OPRM1: variants seen among roughly 807,000 people sequenced by gnomAD.
OPRM1 encodes the protein mu-type opioid receptor.
A neutral mutation model predicts 31.8 loss-of-function variants in OPRM1; 27 were observed. The observed-to-expected ratio is 0.85, with a 90% CI of 0.63 to 1.17. The LOEUF is 1.17. Among genes scored for constraint, OPRM1 ranks in the 50% most tolerant of loss-of-function variants. The pLI is 0.00. For synonymous variants in OPRM1, 196 were observed against 189.9 expected (o/e 1.03, Z -0.26); for missense variants, 536 against 511.1 (o/e 1.05, Z -0.47).
At chr6:154,014,202 A>G (rs1696763403) in intron 1 of OPRM1, among the ~76,000 whole-genome samples, 1 of 152,186 alleles carries the variant, frequency 6.6e-6, no homozygotes, top group South Asian at 2.1e-4. Context: ...ATAAGGCAGT[A>G]TGGAAGAAAT....
At chr6:154,141,089 C>A (rs996815892) in intron 3 of OPRM1, among the ~76,000 whole-genome samples, 1 of 152,204 alleles carries the variant, frequency 6.6e-6, no homozygotes, top group Non-Finnish European at 1.5e-5. Context: ...ATCAGATCCA[C>A]CCCTGACTGT....
chr6:154,050,872 G>A (rs148114869), intron 1 of OPRM1, among the ~76,000 whole-genome samples: 61 of 151,960 alleles, frequency 4.0e-4, no homozygotes, highest in African/African-American at 1.3e-3. Context: ...CAAGTACCCC[G>A]TAAATATATA....
rs114927088 is a variant in OPRM1, at chr6:154,203,739, T to G, written c.1165-42954T>G. Among the ~76,000 whole-genome samples the G allele has an allele frequency of 1.2e-3, 177 of 152,300 alleles. 1 individual carries two copies. The highest frequency in any genetic ancestry group is 3.4e-3 in the Admixed American group (52 of 15,292). On this transcript the variant is annotated intron_variant, in intron 3 of 3. Transcript: ENST00000337049. Reference sequence around the variant, plus strand: ...GAGCTACCTGAGAACAGGCTGGTTTTAATCATTTTTCACCTCCATTTTTTG... The same window carrying G: ...GAGCTACCTGAGAACAGGCTGGTTTGAATCATTTTTCACCTCCATTTTTTG...
chr6:154,214,290 A>G (rs750941163), intron 3 of OPRM1: 1 of 1,597,590 alleles, frequency 6.3e-7, no homozygotes, highest in South Asian at 1.1e-5. Flanking sequence ...AAATTCAAAT[A>G]GAAAGCAAAT....
Position 154,109,786 on chromosome 6 carries a change from C to G in OPRM1, c.1165-8897C>G, listed in dbSNP as rs1322408269. On this transcript the variant is annotated intron_variant, in intron 3 of 3. Transcript: ENST00000330432. The stretch of plus-strand genomic sequence containing the variant: ...TCTCTCCCTCTCTCTCTCTCTCTCT[C>G]TCTCTCTGTGTGTGTGTGTGTGTGT... Among the ~76,000 whole-genome samples the G allele has an allele frequency of 2.3e-3, 209 of 92,350 alleles. 1 individual carries two copies. Among genetic ancestry groups the G allele is most frequent in the African/African-American group, 7.5e-3 (201 of 26,746 alleles). 60.6% of individuals were successfully genotyped at this position (92,350 alleles called of 152,430 possible). A position where few individuals can be genotyped will look rare whatever the true frequency, so the allele number is the denominator to read the frequency against.
chr6:154,094,427 A>C (rs1488044840), intron 3 of OPRM1: 1 of 383,336 alleles, frequency 2.6e-6, no homozygotes, highest in East Asian at 7.2e-5. Context: ...AAATCATTCC[A>C]AAATGTAGTG....
intron 3 of OPRM1, among the ~76,000 whole-genome samples, chr6:154,153,382 A>G (rs1798594298): frequency 6.6e-6 from 1 of 152,146 alleles, no homozygotes; most frequent in Non-Finnish European, 1.5e-5. Flanking sequence ...TGTAATCACA[A>G]GGTTGCTTAA....
chr6:154,129,911 A>T lies in OPRM1; in HGVS notation c.*11190A>T, dbSNP rs149184508. 0.013 allele frequency among the ~76,000 whole-genome samples: 1,986 copies of T among 151,192 alleles called. 48 individuals carry two copies. Among genetic ancestry groups the T allele is most frequent in the African/African-American group, 0.043 (1,784 of 41,050 alleles). On this transcript the variant is annotated 3_prime_UTR_variant, in exon 4 of 4. Coordinates refer to ENST00000330432, the MANE Select transcript of OPRM1 (RefSeq NM_000914.5). ...AACATAGTGAAATGGACCCGTGGGA[A>T]TTATATGATAGTTGTAATCAAAATA...
intron 3 of OPRM1, among the ~76,000 whole-genome samples, chr6:154,154,130 A>T (rs541583106): frequency 4.6e-5 from 7 of 152,294 alleles, no homozygotes; most frequent in African/African-American, 1.7e-4. Context: ...ACAAAATGAA[A>T]ACTGTGTGTG....
intron 3 of OPRM1, among the ~76,000 whole-genome samples, chr6:154,112,869 G>A (rs1796492486): frequency 6.6e-6 from 1 of 152,174 alleles, no homozygotes; most frequent in African/African-American, 2.4e-5. Context: ...GCTATTGTCA[G>A]CAGAATCCCA....
At chr6:154,040,902 T>C (rs1305426915) in intron 1 of OPRM1, among the ~76,000 whole-genome samples, 1 of 152,188 alleles carries the variant, frequency 6.6e-6, no homozygotes. Context: ...GAATGTGAAA[T>C]GCCATATATC....
Position 154,125,326 on chromosome 6 carries a change from G to A in OPRM1, c.*6605G>A, listed in dbSNP as rs1424959526. Among the ~76,000 whole-genome samples the A allele has an allele frequency of 6.6e-6, 1 of 152,106 alleles. No individual in the cohort carries two copies. The highest frequency in any genetic ancestry group is 1.5e-5 in the Non-Finnish European group (1 of 68,024). Reference sequence around the variant, plus strand: ...TTGTTGTCATCCAAAGCTATTTCATGAATCAAATATCGTTTTCTACCTGCC... The same window carrying A: ...TTGTTGTCATCCAAAGCTATTTCATAAATCAAATATCGTTTTCTACCTGCC... On this transcript the variant is annotated 3_prime_UTR_variant, in exon 4 of 4. Coordinates refer to ENST00000330432, the MANE Select transcript of OPRM1 (RefSeq NM_000914.5).
intron 1 of OPRM1, among the ~76,000 whole-genome samples, chr6:154,047,050 G>A (rs1425753342): frequency 6.6e-6 from 1 of 152,152 alleles, no homozygotes; most frequent in Non-Finnish European, 1.5e-5. Context: ...GAACTGCCAG[G>A]TGTGGTGTTT....
At chr6:154,085,017 G>A (rs191997903) in intron 1 of OPRM1, among the ~76,000 whole-genome samples, 199 of 152,070 alleles carry the variant, frequency 1.3e-3, no homozygotes, top group African/African-American at 4.7e-3. Flanking sequence ...TCTGAACTGA[G>A]ACACGATCAC....
At chr6:154,065,419 G>T (rs1583318884) in intron 1 of OPRM1, among the ~76,000 whole-genome samples, 1 of 152,016 alleles carries the variant, frequency 6.6e-6, no homozygotes, top group South Asian at 2.1e-4. Flanking sequence ...AAGTGCTGGG[G>T]TTACAGGCGT....
intron 3 of OPRM1, among the ~76,000 whole-genome samples, chr6:154,209,661 A>G (rs1012850244): frequency 3.4e-5 from 5 of 149,112 alleles, no homozygotes; most frequent in Non-Finnish European, 7.5e-5. Flanking sequence ...AAAAAAAAAA[A>G]GTTACTATAT....
At chr6:154,235,099 T>C (rs1780010303) in intron 3 of OPRM1, among the ~76,000 whole-genome samples, 1 of 152,246 alleles carries the variant, frequency 6.6e-6, no homozygotes, top group Non-Finnish European at 1.5e-5. Flanking sequence ...AATCTCACCA[T>C]TACAGACTAA....
At chr6:154,026,916 A>G (rs1281032900) in intron 1 of OPRM1, among the ~76,000 whole-genome samples, 4 of 152,172 alleles carry the variant, frequency 2.6e-5, no homozygotes, top group Admixed American at 6.5e-5. Context: ...TTTGTCTGAT[A>G]TGTCACATAT....
At chr6:154,083,862 T>C (rs975191185) in intron 1 of OPRM1, among the ~76,000 whole-genome samples, 1 of 142,158 alleles carries the variant, frequency 7.0e-6, no homozygotes, top group Non-Finnish European at 1.5e-5. Flanking sequence ...GAGAATGGCG[T>C]GAACCCGGGA....
Sources: gnomAD v4.1 joint callset for allele counts (sites outside exome capture counted in the v4.1 genomes callset) on GRCh38, gnomAD v4.1.1 for gene constraint, MANE v1.5 for transcripts, NCBI Gene and HGNC (gene_info 2026-07-23, HGNC 2026-07-21) for gene names.